FAAH: variants seen among roughly 807,000 people sequenced by gnomAD.
The protein encoded by FAAH is fatty acid amide hydrolase.
A neutral mutation model predicts 69.7 loss-of-function variants in FAAH; 63 were observed. That is an observed-to-expected ratio of 0.90 (90% CI 0.74 to 1.12). The LOEUF (loss-of-function observed/expected upper bound fraction) is 1.12. FAAH is among the 50% of genes most tolerant of loss of function. The pLI is 0.00. For missense variants in FAAH, 680 were observed against 755.0 expected (o/e 0.90, Z 1.16); for synonymous variants, 305 against 324.2 (o/e 0.94, Z 0.64).
Position 46,411,260 on chromosome 1 carries a change from G to A in FAAH, c.1317-352G>A, listed in dbSNP as rs1187922558. On this transcript the variant is annotated intron_variant, in intron 11 of 14. Coordinates refer to ENST00000243167, the MANE Select transcript of FAAH (RefSeq NM_001441.3). The surrounding 1 kb of genome is among the most constrained non-coding windows in gnomAD (Gnocchi z 4.8). The stretch of plus-strand genomic sequence containing the variant: ...GTGGCTGGGGCTGGAAAAGCAGGGC[G>A]TAAACCTCCCTGTTTCATGCCCTGA... Among the ~76,000 whole-genome samples, 1 of 152,214 alleles carries A rather than the reference G, an allele frequency of 6.6e-6. No homozygotes were observed. The highest frequency in any genetic ancestry group is 1.5e-5 in the Non-Finnish European group (1 of 68,032).
chr1:46,397,785 C>A (rs896423407), intron 1 of FAAH, among the ~76,000 whole-genome samples: 3 of 151,546 alleles, frequency 2.0e-5, no homozygotes, highest in Non-Finnish European at 4.4e-5. Flanking sequence ...CTGGCCTCGA[C>A]CTCCCGACCT....
intron 1 of FAAH, among the ~76,000 whole-genome samples, chr1:46,396,297 A>C (rs1309891019): frequency 4.6e-5 from 7 of 152,222 alleles, no homozygotes; most frequent in Non-Finnish European, 5.9e-5. Context: ...ATCTCAGTAA[A>C]TAGAACGTAG....
rs1435106573 is a variant in FAAH, at chr1:46,410,503, G to A, written c.1275+6G>A. 6.2e-7 allele frequency: 1 copy of A among 1,613,184 alleles called. No individual in the cohort carries two copies. The highest frequency in any genetic ancestry group is 1.1e-5 in the South Asian group (1 of 91,072). ...CCTTCCTGGTGAAGCCTCTGGTGAGGGCACAAGGAGTGGAGGGGCTAGGAT... is the reference window on the plus strand; with the variant it reads ...CCTTCCTGGTGAAGCCTCTGGTGAGAGCACAAGGAGTGGAGGGGCTAGGAT... On this transcript the variant is annotated splice_donor_region_variant and intron_variant, in intron 10 of 14. Transcript: ENST00000243167. The surrounding 1 kb of genome is among the most constrained non-coding windows in gnomAD (Gnocchi z 4.9).
chr1:46,402,848 A>G (rs1267204047), intron 2 of FAAH, among the ~76,000 whole-genome samples: 1 of 151,740 alleles, frequency 6.6e-6, no homozygotes, highest in Non-Finnish European at 1.5e-5. Context: ...ACCTGCTAAC[A>G]CACCCAGCTA....
Position 46,410,798 on chromosome 1 carries a change from C to G in FAAH, c.1276-16C>G. On this transcript the variant is annotated splice_polypyrimidine_tract_variant and intron_variant, in intron 10 of 14. Coordinates refer to ENST00000243167, the MANE Select transcript of FAAH (RefSeq NM_001441.3). The surrounding 1 kb of genome is among the most constrained non-coding windows in gnomAD (Gnocchi z 4.9). ...GCCCAGAGCTGAGTCACCGACCCTGCGTCTGTCCTGTGCAGCTGCCAAGGC... is the reference window on the plus strand; with the variant it reads ...GCCCAGAGCTGAGTCACCGACCCTGGGTCTGTCCTGTGCAGCTGCCAAGGC... 1 of 1,614,146 alleles carries G rather than the reference C, an allele frequency of 6.2e-7. No individual in the cohort carries two copies. Among genetic ancestry groups the G allele is most frequent in the Non-Finnish European group, 8.5e-7 (1 of 1,180,004 alleles).
intron 8 of FAAH, 118 bp from the exon 9 acceptor site, chr1:46,408,983 G>C: frequency 1.2e-6 from 1 of 812,516 alleles, no homozygotes; most frequent in Non-Finnish European, 2.1e-6. Flanking sequence ...TGTAGCTCTA[G>C]TGAGAGCTAT....
At chr1:46,396,235 A>G (rs2145408) in intron 1 of FAAH, among the ~76,000 whole-genome samples, 107,974 of 152,056 alleles carry the variant, frequency 0.71, 38,602 homozygotes, top group East Asian at 0.82. Flanking sequence ...GCAGTAAACA[A>G]CAGTATTGTC....
At chr1:46,409,433 T>C in intron 9 of FAAH, 1 of 522,540 alleles carries the variant, frequency 1.9e-6, no homozygotes, top group Non-Finnish European at 3.5e-6. Flanking sequence ...ACCCCTGATC[T>C]GAGCTTGTTG....
In FAAH at chr1:46,410,335, G is replaced by T; in HGVS notation, c.1176-63G>T. On this transcript the variant is annotated intron_variant, in intron 9 of 14. Coordinates refer to ENST00000243167, the MANE Select transcript of FAAH (RefSeq NM_001441.3). This position sits in a 1 kb window ranked among gnomAD's most constrained non-coding sequence, Gnocchi z 4.9. ...ATAGAGAATGGGATTGCTGTGGGCC[G>T]GGCGAGCAAGCTGGGAAGGATGTGG... The T allele has an allele frequency of 1.5e-6, 2 of 1,337,278 alleles. No individual in the cohort carries two copies. The highest frequency in any genetic ancestry group is 2.2e-6 in the Non-Finnish European group (2 of 927,852). The allele number at this position is 1,337,278 out of a possible 1,614,324, so 82.8% of individuals were successfully genotyped here. A position where few individuals can be genotyped will look rare whatever the true frequency, so the allele number is the denominator to read the frequency against.
chr1:46,410,708 TG>T lies in FAAH; in HGVS notation c.1276-100del. The T allele has an allele frequency of 1.4e-6, 2 of 1,429,612 alleles. No homozygotes were observed. Among genetic ancestry groups the T allele is most frequent in the South Asian group, 1.1e-5 (1 of 87,436 alleles). The allele number at this position is 1,429,612 out of a possible 1,614,324, so 88.6% of individuals were successfully genotyped here. A position where few individuals can be genotyped will look rare whatever the true frequency, so the allele number is the denominator to read the frequency against. On this transcript the variant is annotated intron_variant, in intron 10 of 14. Transcript: ENST00000243167. The surrounding 1 kb of genome is among the most constrained non-coding windows in gnomAD (Gnocchi z 4.9). Reference sequence around the variant, plus strand: ...CTGAAAGGGGTGCCGACCTGGGCCCTGGGGGGAGGCATGGAGGGAGGGGTCC... The same window carrying T: ...CTGAAAGGGGTGCCGACCTGGGCCCTGGGGGAGGCATGGAGGGAGGGGTCC...
intron 9 of FAAH, 103 bp downstream of exon 9, chr1:46,409,301 C>T (rs928089243): frequency 3.3e-6 from 3 of 896,036 alleles, no homozygotes; most frequent in African/African-American, 3.3e-5. Flanking sequence ...TAGCTGAATC[C>T]AACAAAGGCC....
At chr1:46,406,623 C>T (rs1379165383) in intron 7 of FAAH, among the ~76,000 whole-genome samples, 3 of 145,108 alleles carry the variant, frequency 2.1e-5, no homozygotes, top group African/African-American at 7.6e-5. Flanking sequence ...CGCTCTGTCC[C>T]TCAGGCTGGA....
rs527761256 is a variant in FAAH at position 46,401,429 on chromosome 1, G to C, written c.196-662G>C. Reference sequence around the variant, plus strand: ...CAAGAACCCACCAATTCCGGACACAGAATGAATGTGTAAACCCTTCCTTTT... The same window carrying C: ...CAAGAACCCACCAATTCCGGACACACAATGAATGTGTAAACCCTTCCTTTT... On this transcript the variant is annotated intron_variant, in intron 1 of 14. Transcript: ENST00000243167. Among the ~76,000 whole-genome samples the C allele has an allele frequency of 7.2e-5, 11 of 152,248 alleles. No individual in the cohort carries two copies. The South Asian group carries it at 2.1e-3, about 29-fold the overall frequency.
In FAAH at chr1:46,410,358, TG is replaced by T; in HGVS notation, c.1176-36del. On this transcript the variant is annotated intron_variant, in intron 9 of 14. Coordinates refer to ENST00000243167, the MANE Select transcript of FAAH (RefSeq NM_001441.3). The surrounding 1 kb of genome is among the most constrained non-coding windows in gnomAD (Gnocchi z 4.9). ...CCGGGCGAGCAAGCTGGGAAGGATG[TG>T]GGGATGGGAGTGCCTGGACCGAGCA... 6.5e-7 allele frequency: 1 copy of T among 1,533,900 alleles called. No individual in the cohort carries two copies. The highest frequency in any genetic ancestry group is 9.0e-7 in the Non-Finnish European group (1 of 1,106,960).
intron 7 of FAAH, among the ~76,000 whole-genome samples, chr1:46,407,220 C>A (rs1162559412): frequency 6.6e-6 from 1 of 152,092 alleles, no homozygotes; most frequent in African/African-American, 2.4e-5. Context: ...TCTTGCAAAG[C>A]CTTAGGATCA....
intron 1 of FAAH, among the ~76,000 whole-genome samples, chr1:46,396,600 T>A (rs1476518047): frequency 7.0e-6 from 1 of 142,624 alleles, no homozygotes; most frequent in East Asian, 1.9e-4. Context: ...AGAATGGCGA[T>A]GACTTTTTGC....
intron 7 of FAAH, 84 bp downstream of exon 7, chr1:46,406,452 T>C: frequency 5.7e-6 from 9 of 1,584,528 alleles, no homozygotes; most frequent in Non-Finnish European, 7.7e-6. Flanking sequence ...TTGGAGCCCC[T>C]GTCTCCTGAG....
intron 7 of FAAH, among the ~76,000 whole-genome samples, chr1:46,407,554 T>G (rs1279213657): frequency 6.6e-6 from 1 of 152,026 alleles, no homozygotes; most frequent in East Asian, 1.9e-4. Flanking sequence ...AGACCAGTAT[T>G]TTGCTCTCTT....
intron 1 of FAAH, among the ~76,000 whole-genome samples, chr1:46,401,054 A>G (rs2148446312): frequency 2.7e-5 from 1 of 36,730 alleles, no homozygotes. Context: ...AAACCAGGGG[A>G]GGGGAGGAGG....
Sources: allele counts gnomAD v4.1 joint callset (sites outside exome capture counted in the v4.1 genomes callset), GRCh38; gene constraint gnomAD v4.1.1; non-coding constraint Gnocchi (gnomAD v3.1); transcripts MANE v1.5; gene names NCBI Gene and HGNC (gene_info 2026-07-23, HGNC 2026-07-21).